The following TCERG1L variants were observed in gnomAD, a reference collection of about 807,000 sequenced individuals.
The protein encoded by TCERG1L is transcription elongation regulator 1 like, also known as transcription elongation regulator 1-like protein.
A neutral mutation model predicts 56.3 loss-of-function variants in TCERG1L; 37 were observed. The ratio of observed to expected loss-of-function variants is 0.66; its 90% CI spans 0.51 to 0.87. The LOEUF is 0.87. Ranked by LOEUF, TCERG1L falls within the 40% of genes least tolerant of loss-of-function variation. TCERG1L has a pLI of 0.00. For synonymous variants in TCERG1L, 324 were observed against 326.3 expected (o/e 0.99, Z 0.08); for missense variants, 799 against 774.2 (o/e 1.03, Z -0.38).
intron 11 of TCERG1L, among the ~76,000 whole-genome samples, chr10:131,094,004 G>A (rs548389560): frequency 1.3e-5 from 2 of 152,250 alleles, no homozygotes; most frequent in Non-Finnish European, 2.9e-5. Context: ...GCGAATCAGA[G>A]CTGCCAGGCC....
At chr10:131,216,852 G>T (rs1845674673) in intron 4 of TCERG1L, among the ~76,000 whole-genome samples, 1 of 152,220 alleles carries the variant, frequency 6.6e-6, no homozygotes, top group African/African-American at 2.4e-5. Context: ...CCCTGTGGCA[G>T]CTGGGAGAGG....
chr10:131,116,530 T>G (rs776827802), intron 9 of TCERG1L, among the ~76,000 whole-genome samples: 1 of 152,188 alleles, frequency 6.6e-6, no homozygotes, highest in Non-Finnish European at 1.5e-5. Flanking sequence ...CCACTTTGGC[T>G]GCCCCTCGGC....
chr10:131,100,791 T>C (rs1246903915), intron 10 of TCERG1L, among the ~76,000 whole-genome samples: 1 of 152,214 alleles, frequency 6.6e-6, no homozygotes, highest in Non-Finnish European at 1.5e-5. Context: ...CTGATACTTC[T>C]AACCCAATTT....
intron 4 of TCERG1L, among the ~76,000 whole-genome samples, chr10:131,245,410 ATT>A (rs5789077): frequency 6.6e-6 from 1 of 151,626 alleles, no homozygotes; most frequent in East Asian, 1.9e-4. Flanking sequence ...TAAAATAATA[ATT>A]TTTTTTTTAA....
In TCERG1L at chr10:131,118,847, T is replaced by A. The variant is rs1845485444; in HGVS notation, c.1260-1913A>T. On this transcript the variant is annotated intron_variant, in intron 8 of 11. Transcript: ENST00000368642. The surrounding 1 kb of genome is among the most constrained non-coding windows in gnomAD (Gnocchi z 4.2). ...ATAGCACCATGTTCTCCACTGGGGA[T>A]GATTTTGCCCCAGGGGACATTTGGT... Among the ~76,000 whole-genome samples, 1 of 152,162 alleles carries A rather than the reference T, an allele frequency of 6.6e-6. No individual in the cohort carries two copies. Among genetic ancestry groups the A allele is most frequent in the East Asian group, 1.9e-4 (1 of 5,190 alleles).
At chr10:131,121,550 C>T (rs1486170346) in intron 8 of TCERG1L, among the ~76,000 whole-genome samples, 1 of 152,240 alleles carries the variant, frequency 6.6e-6, no homozygotes, top group East Asian at 1.9e-4. Flanking sequence ...GAACAGGCCT[C>T]CTGTGTCTTC....
chr10:131,257,038 AAAGAAAGAAAG>A (rs1564827240), intron 4 of TCERG1L, among the ~76,000 whole-genome samples: 8 of 144,926 alleles, frequency 5.5e-5, no homozygotes, highest in African/African-American at 2.0e-4. Context: ...AGAAAGAAAG[AAAGAAAGAAAG>A]AAAGAAAAGA....
At chr10:131,271,738 C>T (rs533334725) in intron 3 of TCERG1L, among the ~76,000 whole-genome samples, 2 of 152,322 alleles carry the variant, frequency 1.3e-5, no homozygotes, top group Admixed American at 1.3e-4. Context: ...GCCTGGAGGC[C>T]TCCCCGAGGG....
rs747979795 is a variant in TCERG1L at position 131,166,777 on chromosome 10, A to T, written c.945+20T>A. The T allele has an allele frequency of 1.9e-6, 3 of 1,613,242 alleles. No homozygotes were observed. Among genetic ancestry groups the T allele is most frequent in the African/African-American group, 1.3e-5 (1 of 74,920 alleles). The stretch of plus-strand genomic sequence containing the variant: ...CCAGGGTTTTGTGTCTTTAACACAC[A>T]CACGAGCCCCGAAACTGACCTTGTC... On this transcript the variant is annotated intron_variant, in intron 5 of 11. Coordinates refer to ENST00000368642, the MANE Select transcript of TCERG1L (RefSeq NM_174937.4).
intron 7 of TCERG1L, among the ~76,000 whole-genome samples, chr10:131,144,963 C>T (rs1339466500): frequency 4.6e-5 from 7 of 152,172 alleles, no homozygotes; most frequent in Non-Finnish European, 8.8e-5. Flanking sequence ...TCTTTTCAGA[C>T]CTGACCTGAT....
chr10:131,178,882 G>C (rs1845140590), intron 4 of TCERG1L, among the ~76,000 whole-genome samples: 1 of 152,230 alleles, frequency 6.6e-6, no homozygotes. Context: ...AGCTGCAAAT[G>C]AATTGTTTAA....
At chr10:131,262,193 T>A (rs1463369472) in intron 3 of TCERG1L, among the ~76,000 whole-genome samples, 1 of 152,136 alleles carries the variant, frequency 6.6e-6, no homozygotes, top group Non-Finnish European at 1.5e-5. Flanking sequence ...AGAGGCCAGC[T>A]CTGAGTCTCA....
At chr10:131,211,973 T>A (rs1189723562) in intron 4 of TCERG1L, among the ~76,000 whole-genome samples, 1 of 152,252 alleles carries the variant, frequency 6.6e-6, no homozygotes, top group East Asian at 1.9e-4. Flanking sequence ...CCACAGATCT[T>A]TCCTTATTTC....
chr10:131,126,792 G>A (rs1452062905), intron 8 of TCERG1L, among the ~76,000 whole-genome samples: 3 of 152,302 alleles, frequency 2.0e-5, no homozygotes, highest in African/African-American at 4.8e-5. Flanking sequence ...ACCAGGCCAC[G>A]TCCTGTCCTT....
chr10:131,138,513 T>C (rs1282645113), intron 7 of TCERG1L, among the ~76,000 whole-genome samples: 3 of 152,152 alleles, frequency 2.0e-5, no homozygotes, highest in Non-Finnish European at 2.9e-5. Context: ...CATATCTACT[T>C]TTCAACAAAA....
intron 7 of TCERG1L, among the ~76,000 whole-genome samples, chr10:131,136,577 C>A (rs970973119): frequency 3.3e-5 from 5 of 152,080 alleles, no homozygotes; most frequent in Admixed American, 2.0e-4. Flanking sequence ...CTCACTGCAA[C>A]CTCCACTTTC....
intron 4 of TCERG1L, among the ~76,000 whole-genome samples, chr10:131,194,718 G>A (rs1845339097): frequency 1.3e-5 from 2 of 152,158 alleles, no homozygotes; most frequent in Non-Finnish European, 1.5e-5. Flanking sequence ...GAGAAGGGGC[G>A]AGATGTGTAT....
At chr10:131,093,413 C>A in intron 11 of TCERG1L, 95 bp from the exon 12 acceptor site, 1 of 1,474,064 alleles carries the variant, frequency 6.8e-7, no homozygotes, top group South Asian at 1.3e-5. Context: ...AGCATCCAGC[C>A]CTTCCACCAG....
intron 4 of TCERG1L, among the ~76,000 whole-genome samples, chr10:131,231,794 C>A (rs916589618): frequency 3.7e-4 from 57 of 152,264 alleles, no homozygotes; most frequent in Non-Finnish European, 7.2e-4. Flanking sequence ...AAGACCGGGA[C>A]AGCTGAGTCT....
Sources: allele counts gnomAD v4.1 joint callset (sites outside exome capture counted in the v4.1 genomes callset), GRCh38; gene constraint gnomAD v4.1.1; non-coding constraint Gnocchi (gnomAD v3.1); transcripts MANE v1.5; gene names NCBI Gene and HGNC (gene_info 2026-07-23, HGNC 2026-07-21).